Variants in RASA2 observed in about 807,000 individuals in gnomAD.
RASA2 encodes the protein RAS p21 protein activator 2.
RASA2 carries 155 observed loss-of-function variants against 118.2 expected under a neutral mutation model. The ratio of observed to expected loss-of-function variants is 1.31; its 90% CI spans 1.15 to 1.50. RASA2 has a LOEUF of 1.50. Among genes scored for constraint, RASA2 ranks in the 40% most tolerant of loss-of-function variants. The pLI is 0.00. For synonymous variants in RASA2, 353 were observed against 349.1 expected (o/e 1.01, Z -0.12); for missense variants, 1,016 against 1,009.6 (o/e 1.01, Z -0.09).
chr3:141,592,691 A>G (rs577676204), intron 19 of RASA2, among the ~76,000 whole-genome samples: 2 of 152,298 alleles, frequency 1.3e-5, no homozygotes, highest in East Asian at 1.9e-4. Flanking sequence ...TTCTGAATCT[A>G]TTTGAAAAAT....
chr3:141,503,521 A>G (rs2081816879), intron 1 of RASA2, among the ~76,000 whole-genome samples: 1 of 152,042 alleles, frequency 6.6e-6, no homozygotes, highest in South Asian at 2.1e-4. Context: ...GCTTTAAACT[A>G]TTTACTTTTT....
chr3:141,524,422 C>G (rs1454915634), intron 3 of RASA2, among the ~76,000 whole-genome samples: 4 of 152,052 alleles, frequency 2.6e-5, no homozygotes, highest in African/African-American at 9.7e-5. Flanking sequence ...ATTAATATAC[C>G]AGTTTACCAC....
chr3:141,588,194 G>A (rs2083235810), intron 19 of RASA2, among the ~76,000 whole-genome samples: 1 of 152,254 alleles, frequency 6.6e-6, no homozygotes, highest in African/African-American at 2.4e-5. Flanking sequence ...TATTTGTGGA[G>A]GTATGCGTCT....
intron 17 of RASA2, 148 bp downstream of exon 17, chr3:141,581,325 C>G: frequency 1.5e-6 from 1 of 664,826 alleles, no homozygotes; most frequent in Middle Eastern, 5.0e-4. Context: ...CTTTTTTCTT[C>G]TTCCACAAAG....
intron 4 of RASA2, among the ~76,000 whole-genome samples, chr3:141,534,308 A>G (rs1264413138): frequency 2.0e-5 from 3 of 152,134 alleles, no homozygotes; most frequent in African/African-American, 7.2e-5. Context: ...GTTGAGGCAG[A>G]CAGATTGCTT....
chr3:141,548,623 T>C (rs911693550), intron 5 of RASA2, among the ~76,000 whole-genome samples: 1 of 152,166 alleles, frequency 6.6e-6, no homozygotes, highest in African/African-American at 2.4e-5. Flanking sequence ...AAAGGCATGG[T>C]TTCACATATG....
At chr3:141,490,163 A>C (rs1255285856) in intron 1 of RASA2, among the ~76,000 whole-genome samples, 1 of 151,894 alleles carries the variant, frequency 6.6e-6, no homozygotes, top group Middle Eastern at 3.2e-3. Context: ...TGCTTCCTTA[A>C]ACTTTTTCAA....
intron 3 of RASA2, among the ~76,000 whole-genome samples, chr3:141,527,722 CAT>C (rs545354412): frequency 7.2e-4 from 110 of 152,116 alleles, no homozygotes; most frequent in African/African-American, 2.6e-3. Context: ...ATAGATAAAA[CAT>C]ATCCAGAGAT....
At chr3:141,605,127 A>C (rs1003076259) in intron 19 of RASA2, among the ~76,000 whole-genome samples, 1 of 151,932 alleles carries the variant, frequency 6.6e-6, no homozygotes, top group African/African-American at 2.4e-5. Flanking sequence ...TTCAAGTTCT[A>C]ATGTTTTTCT....
At chr3:141,530,737 CCTT>C (rs1351870480) in intron 4 of RASA2, among the ~76,000 whole-genome samples, 11 of 152,070 alleles carry the variant, frequency 7.2e-5, no homozygotes, top group Admixed American at 4.6e-4. Context: ...CACTAACCCC[CCTT>C]CTTAACTGCA....
At chr3:141,511,643 G>A (rs2081951922) in intron 1 of RASA2, among the ~76,000 whole-genome samples, 1 of 152,146 alleles carries the variant, frequency 6.6e-6, no homozygotes. Context: ...TTAGTGGCAT[G>A]GTGGGGTCAG....
At chr3:141,529,946 T>C (rs2082237798) in intron 4 of RASA2, 144 bp downstream of exon 4, 2 of 617,068 alleles carry the variant, frequency 3.2e-6, no homozygotes, top group South Asian at 5.3e-5. Flanking sequence ...TTGGGTAATA[T>C]AGGACAGGAA....
chr3:141,561,418 A>C (rs1010501389), intron 9 of RASA2, among the ~76,000 whole-genome samples: 3 of 152,222 alleles, frequency 2.0e-5, no homozygotes, highest in Non-Finnish European at 4.4e-5. Context: ...TTAACAAACT[A>C]ATTTTATTTT....
In RASA2 at chr3:141,608,619, C is replaced by T; in HGVS notation, c.2147C>T (p.Pro716Leu). The T allele has an allele frequency of 1.2e-6, 2 of 1,613,964 alleles. No homozygotes were observed. Among genetic ancestry groups the T allele is most frequent in the East Asian group, 2.2e-5 (1 of 44,880 alleles). The change falls in exon 21 of 24, where the codon CCC becomes CTC. Residue 716 changes from proline to leucine, a missense_variant. Pro to Leu is a moderately conservative substitution (Grantham distance 98). This residue lies in a region of RASA2 where 120 missense variants were observed against 173.2 expected (regional missense o/e 0.69). Coordinates refer to ENST00000286364, the MANE Select transcript of RASA2 (RefSeq NM_006506.5). ...CAAAACAGGCTCAGTTTTTATCATCCCTCTGTGTATCTGAACGGAAATTGG... is the reference window on the plus strand; with the variant it reads ...CAAAACAGGCTCAGTTTTTATCATCTCTCTGTGTATCTGAACGGAAATTGG... ...CNQNRLSFYH[P>L]SVYLNGNWLC...
chr3:141,607,873 A>G (rs1452317690), intron 20 of RASA2, 113 bp downstream of exon 20: 3 of 1,193,558 alleles, frequency 2.5e-6, no homozygotes, highest in East Asian at 3.2e-5. Context: ...TTACTTAGAT[A>G]TTTGTATTCA....
At chr3:141,524,063 A>G (rs537108828) in intron 3 of RASA2, among the ~76,000 whole-genome samples, 118 of 152,328 alleles carry the variant, frequency 7.7e-4, no homozygotes, top group African/African-American at 2.7e-3. Flanking sequence ...AAGTACTCCA[A>G]TACTTACTGG....
At chr3:141,497,170 TGG>T (rs1210099205) in intron 1 of RASA2, among the ~76,000 whole-genome samples, 1 of 48,994 alleles carries the variant, frequency 2.0e-5, no homozygotes, top group African/African-American at 8.8e-5. Flanking sequence ...TGTCGTGGGG[TGG>T]GGGGAGAGGG....
intron 3 of RASA2, among the ~76,000 whole-genome samples, chr3:141,517,548 T>A (rs982946744): frequency 5.3e-5 from 8 of 152,204 alleles, no homozygotes; most frequent in Admixed American, 3.9e-4. Flanking sequence ...TCTGCCCCCA[T>A]GATTCAGTCA....
chr3:141,555,430 A>G (rs1189559017), intron 6 of RASA2, among the ~76,000 whole-genome samples: 2 of 152,168 alleles, frequency 1.3e-5, no homozygotes, highest in African/African-American at 4.8e-5. Context: ...AGAAGTCTCT[A>G]TTATACCTGA....
Sources: allele counts gnomAD v4.1 joint callset (sites outside exome capture counted in the v4.1 genomes callset), GRCh38; gene constraint gnomAD v4.1.1; regional missense constraint gnomAD v4.1.1; transcripts MANE v1.5; gene names NCBI Gene and HGNC (gene_info 2026-07-23, HGNC 2026-07-21).